The following SLC23A2 variants were observed in gnomAD, a reference collection of about 807,000 sequenced individuals.
SLC23A2 encodes the protein solute carrier family 23 member 2.
A neutral mutation model predicts 73.3 loss-of-function variants in SLC23A2; 36 were observed. The ratio of observed to expected loss-of-function variants is 0.49; its 90% CI spans 0.38 to 0.65. The LOEUF (loss-of-function observed/expected upper bound fraction) is 0.65. Among genes scored for constraint, SLC23A2 ranks in the 30% least tolerant of loss-of-function variants. The pLI is 0.00. For missense variants in SLC23A2, 507 were observed against 841.6 expected, an observed-to-expected ratio of 0.60 and a Z score of 4.92; for synonymous variants, 343 against 327.3, an observed-to-expected ratio of 1.05 and a Z score of -0.52.
chr20:4,898,824 G>A (rs1193531816), intron 6 of SLC23A2, among the ~76,000 whole-genome samples: 1 of 152,152 alleles, frequency 6.6e-6, no homozygotes, highest in Admixed American at 6.5e-5. Flanking sequence ...AGGACAAACT[G>A]GAATAAAGGC....
chr20:4,910,471 T>C (rs528041522), intron 4 of SLC23A2, among the ~76,000 whole-genome samples: 39 of 152,118 alleles, frequency 2.6e-4, no homozygotes, highest in African/African-American at 8.4e-4. Flanking sequence ...CACTCTGTCA[T>C]ACAGGCTGGA....
rs575349134 is a variant in SLC23A2, at chr20:4,872,514, C to T, written c.1102+1422G>A. On this transcript the variant is annotated intron_variant, in intron 11 of 16. Coordinates refer to ENST00000338244, the MANE Select transcript of SLC23A2 (RefSeq NM_005116.6). This position sits in a 1 kb window ranked among gnomAD's most constrained non-coding sequence, Gnocchi z 4.4. ...ACAGCCCAGCTTGTGCCCCTACTGG[C>T]GCCCACCTTGGGAGTTGCCTGCACA... 3.3e-3 allele frequency among the ~76,000 whole-genome samples: 499 copies of T among 152,230 alleles called. 2 individuals are homozygous for T. The highest frequency in any genetic ancestry group is 6.0e-3 in the Non-Finnish European group (407 of 68,004).
chr20:4,984,960 A>G (rs566045152), intron 1 of SLC23A2, among the ~76,000 whole-genome samples: 17 of 152,106 alleles, frequency 1.1e-4, no homozygotes, highest in Non-Finnish European at 2.2e-4. Flanking sequence ...AACACGGTGA[A>G]ACCCTGTCCC....
At chr20:4,958,599 TG>T (rs1447441337) in intron 2 of SLC23A2, among the ~76,000 whole-genome samples, 2 of 152,078 alleles carry the variant, frequency 1.3e-5, no homozygotes, top group African/African-American at 4.8e-5. Context: ...GGCTAATTTT[TG>T]TATTTTTGGT....
intron 2 of SLC23A2, among the ~76,000 whole-genome samples, chr20:4,940,584 C>T (rs1458931590): frequency 6.6e-6 from 1 of 152,074 alleles, no homozygotes; most frequent in Non-Finnish European, 1.5e-5. Context: ...TAAGACCTAA[C>T]GTCTACATTT....
At chr20:4,912,364 G>T (rs1174838425) in intron 4 of SLC23A2, among the ~76,000 whole-genome samples, 1 of 152,108 alleles carries the variant, frequency 6.6e-6, no homozygotes, top group Non-Finnish European at 1.5e-5. Context: ...ACCACTTGCT[G>T]ATTTCCCTTA....
At chr20:4,874,331 G>A (rs182798124) in intron 10 of SLC23A2, among the ~76,000 whole-genome samples, 319 of 152,284 alleles carry the variant, frequency 2.1e-3, no homozygotes, top group Middle Eastern at 6.8e-3. Flanking sequence ...AGGCCACGTG[G>A]AGTCAAATCT....
At chr20:4,965,933 C>T (rs903522620) in intron 2 of SLC23A2, among the ~76,000 whole-genome samples, 3 of 148,978 alleles carry the variant, frequency 2.0e-5, no homozygotes, top group African/African-American at 5.0e-5. Context: ...TGCCACTGCA[C>T]TCCACCCTGG....
chr20:4,988,910 AGGAAAG>A (rs1040116143), intron 1 of SLC23A2, among the ~76,000 whole-genome samples: 5 of 151,806 alleles, frequency 3.3e-5, no homozygotes, highest in African/African-American at 7.3e-5. Flanking sequence ...GACTCTGTCA[AGGAAAG>A]GGAAAGGGAA....
At chr20:4,910,379 G>GA (rs373996937) in intron 4 of SLC23A2, among the ~76,000 whole-genome samples, 12,564 of 128,072 alleles carry the variant, frequency 0.098, 649 homozygotes, top group African/African-American at 0.17. Flanking sequence ...TCTGTCTCAA[G>GA]AAAAAAAAAA....
At chr20:4,999,856 C>T (rs922582826) in intron 1 of SLC23A2, among the ~76,000 whole-genome samples, 1 of 152,190 alleles carries the variant, frequency 6.6e-6, no homozygotes, top group Admixed American at 6.5e-5. Flanking sequence ...AAATCACCCT[C>T]CACTCTAAGC....
intron 6 of SLC23A2, among the ~76,000 whole-genome samples, chr20:4,889,819 A>G (rs1366752274): frequency 1.3e-5 from 2 of 152,162 alleles, no homozygotes; most frequent in Non-Finnish European, 2.9e-5. Context: ...TGAAGGAGCT[A>G]TTTATATTCT....
At chr20:4,932,915 C>A (rs749532647) in intron 2 of SLC23A2, among the ~76,000 whole-genome samples, 199 bp from the exon 3 acceptor site, 3 of 152,138 alleles carry the variant, frequency 2.0e-5, no homozygotes, top group African/African-American at 7.2e-5. Context: ...GAATTGCCCA[C>A]TAGAGAGGGG....
chr20:4,859,682 G>A (rs781055612), intron 15 of SLC23A2, among the ~76,000 whole-genome samples: 1 of 152,140 alleles, frequency 6.6e-6, no homozygotes, highest in Non-Finnish European at 1.5e-5. Context: ...CCACAGGGGT[G>A]TAGTCGGTGG....
chr20:4,993,118 A>C (rs891638662), intron 1 of SLC23A2, among the ~76,000 whole-genome samples: 5 of 151,712 alleles, frequency 3.3e-5, no homozygotes, highest in Non-Finnish European at 7.4e-5. Context: ...CTCTACTAAA[A>C]ACACACACAC....
At chr20:5,001,671 G>A (rs1442888792), upstream of SLC23A2, among the ~76,000 whole-genome samples, 2 of 151,050 alleles carry the variant, frequency 1.3e-5, no homozygotes, top group African/African-American at 2.4e-5. Context: ...AACATCCCGG[G>A]CCTCGCACCC....
intron 15 of SLC23A2, among the ~76,000 whole-genome samples, chr20:4,859,944 C>T (rs951532949): frequency 1.3e-5 from 2 of 152,082 alleles, no homozygotes; most frequent in South Asian, 2.1e-4. Context: ...ACTTTCCATC[C>T]GGAAGATAGA....
Position 4,855,360 on chromosome 20 carries a change from CA to C in SLC23A2, c.*1611del, listed in dbSNP as rs1170018531. Reference sequence around the variant, plus strand: ...CCTGCCGCTGGAGACAGGAGACAGGCACCCACGCAGCTGACCAAAGCTCGAC... The same window carrying C: ...CCTGCCGCTGGAGACAGGAGACAGGCCCCACGCAGCTGACCAAAGCTCGAC... On this transcript the variant is annotated 3_prime_UTR_variant, in exon 17 of 17. Transcript: ENST00000338244. The C allele has an allele frequency of 6.6e-6, 1 of 152,356 alleles. No homozygotes were observed. The highest frequency in any genetic ancestry group is 1.5e-5 in the Non-Finnish European group (1 of 68,146). The allele number at this position is 152,356 out of a possible 1,614,324, so 9.4% of individuals were successfully genotyped here. A position where few individuals can be genotyped will look rare whatever the true frequency, so the allele number is the denominator to read the frequency against.
Position 4,874,656 on chromosome 20 carries a change from T to C in SLC23A2, c.865A>G (p.Asn289Asp), listed in dbSNP as rs1930583929. Residue 289 changes from asparagine (N) to aspartate (D), a missense_variant, in exon 10 of 17, where the codon AAT (asparagine) becomes GAT (aspartate). Transcript: ENST00000338244. ...TAAATCGGGAGAGGAAATTTAACAT[T>C]TCTGGCGTATTGAGAAAACAGTAAT... ...LVLLFSQYAR[N>D]VKFPLPIYKS... is the part of the protein sequence containing the mutation. The C allele has an allele frequency of 6.2e-7, 1 of 1,612,392 alleles. No individual in the cohort carries two copies. Among genetic ancestry groups the C allele is most frequent in the South Asian group, 1.1e-5 (1 of 90,960 alleles).
Sources: allele counts gnomAD v4.1 joint callset (sites outside exome capture counted in the v4.1 genomes callset), GRCh38; gene constraint gnomAD v4.1.1; non-coding constraint Gnocchi (gnomAD v3.1); transcripts MANE v1.5; gene names NCBI Gene and HGNC (gene_info 2026-07-23, HGNC 2026-07-21).